Variants in PDE8B observed in about 807,000 individuals in gnomAD.
The protein encoded by PDE8B is high affinity cAMP-specific and IBMX-insensitive 3',5'-cyclic phosphodiesterase 8B.
A neutral mutation model predicts 101.3 loss-of-function variants in PDE8B; 26 were observed. The ratio of observed to expected loss-of-function variants is 0.26; its 90% CI spans 0.19 to 0.36. The LOEUF (loss-of-function observed/expected upper bound fraction) is 0.36. PDE8B is among the 10% of genes least tolerant of loss of function. The pLI, the probability that PDE8B is intolerant of heterozygous loss-of-function variation, is 1.00. For synonymous variants in PDE8B, 424 were observed against 429.3 expected (o/e 0.99, Z 0.15); for missense variants, 810 against 1,163.1 (o/e 0.70, Z 4.42).
chr5:77,097,530 T>G, the PDE8B span, among the ~76,000 whole-genome samples: 1 of 150,626 alleles, frequency 6.6e-6, no homozygotes, highest in Non-Finnish European at 1.5e-5. Flanking sequence ...CTAGCTGTTG[T>G]GGACACAGAC....
At chr5:77,092,303 G>C in the PDE8B span, among the ~76,000 whole-genome samples, 4 of 151,760 alleles carry the variant, frequency 2.6e-5, no homozygotes, top group Non-Finnish European at 5.9e-5. Flanking sequence ...TCTCTTTCTT[G>C]TGTTAAATTT....
chr5:77,187,183 T>C, the PDE8B span, among the ~76,000 whole-genome samples: 1 of 152,226 alleles, frequency 6.6e-6, no homozygotes, highest in African/African-American at 2.4e-5. Context: ...TACACTATGA[T>C]TTGGCCTTGA....
intron 1 of PDE8B, among the ~76,000 whole-genome samples, chr5:77,218,969 G>T (rs193253401): frequency 6.6e-5 from 10 of 152,330 alleles, no homozygotes; most frequent in Non-Finnish European, 1.2e-4. Flanking sequence ...TTATCCCAAA[G>T]CCTTGCAAAC....
the PDE8B span, among the ~76,000 whole-genome samples, chr5:77,177,723 GGT>G: frequency 1.3e-5 from 2 of 152,194 alleles, no homozygotes; most frequent in African/African-American, 4.8e-5. Context: ...TGACAGCCAA[GGT>G]GTCTACTCAG....
chr5:77,368,024 A>T (rs1784456396), intron 10 of PDE8B, among the ~76,000 whole-genome samples: 1 of 152,222 alleles, frequency 6.6e-6, no homozygotes, highest in Non-Finnish European at 1.5e-5. Context: ...ATATGTCCCC[A>T]TGTGAGAATA....
In PDE8B at chr5:77,210,782, C is replaced by T; in HGVS notation, c.-144C>T. 3.1e-6 allele frequency: 3 copies of T among 982,906 alleles called. No individual in the cohort carries two copies. Among genetic ancestry groups the T allele is most frequent in the Non-Finnish European group, 3.6e-6 (3 of 829,720 alleles). The allele number at this position is 982,906 out of a possible 1,614,324, so 60.9% of individuals were successfully genotyped here. On this transcript the variant is annotated 5_prime_UTR_variant, in exon 1 of 22. Transcript: ENST00000264917. This position sits in a 1 kb window ranked among gnomAD's most constrained non-coding sequence, Gnocchi z 4.9. ...GCTCGGCGGGGGGCACCGCGGCCAG[C>T]CCGACGGAGCGGCGGACACACAGGC...
Position 77,425,845 on chromosome 5 carries a change from C to T in PDE8B, c.2497C>T (p.Gln833Ter). The part of the protein sequence containing the change: ...DRNTCSIPKS[Q>*]ISFIDYFITD... Reference sequence around the variant, plus strand: ...GAATACCTGTAGCATCCCCAAGTCTCAGATCTCTTTCATTGACTACTTCAT... The same window carrying T: ...GAATACCTGTAGCATCCCCAAGTCTTAGATCTCTTTCATTGACTACTTCAT... The change falls in exon 21 of 22, where the codon CAG (glutamine) becomes TAG (stop). Residue 833 changes from glutamine (Q) to a stop codon, truncating the protein, a stop_gained. Transcript: ENST00000264917. LOFTEE classifies it high-confidence loss of function. The T allele has an allele frequency of 6.2e-7, 1 of 1,613,368 alleles. No homozygotes were observed. Among genetic ancestry groups the T allele is most frequent in the Non-Finnish European group, 8.5e-7 (1 of 1,179,308 alleles).
rs781328011 is a variant in PDE8B at position 77,427,738 on chromosome 5, G to A, written c.*1184G>A. On this transcript the variant is annotated 3_prime_UTR_variant, in exon 22 of 22. Coordinates refer to ENST00000264917, the MANE Select transcript of PDE8B (RefSeq NM_003719.5). ...TACTGCTCTTTTCACAACTCCCTGT[G>A]ATCTACATAAAGTCAGACTCGAGAT... The A allele has an allele frequency of 6.6e-6, 1 of 152,136 alleles. No individual in the cohort carries two copies. Among genetic ancestry groups the A allele is most frequent in the Non-Finnish European group, 1.5e-5 (1 of 68,030 alleles). 9.4% of individuals were successfully genotyped at this position (152,136 alleles called of 1,614,324 possible).
chr5:77,142,012 A>G, the PDE8B span: 5 of 152,220 alleles, frequency 3.3e-5, no homozygotes, highest in Non-Finnish European at 5.9e-5. Flanking sequence ...AAAGAGATTC[A>G]TGGAATAAAA....
chr5:77,417,907 AC>A (rs1795892782), intron 17 of PDE8B, among the ~76,000 whole-genome samples: 2 of 152,198 alleles, frequency 1.3e-5, no homozygotes, highest in Non-Finnish European at 2.9e-5. Flanking sequence ...ATCACAGGCC[AC>A]TTTCTGCTGT....
intron 1 of PDE8B, among the ~76,000 whole-genome samples, chr5:77,222,352 G>A (rs1751305262): frequency 6.6e-6 from 1 of 152,164 alleles, no homozygotes; most frequent in African/African-American, 2.4e-5. Context: ...GGCCGGGCAT[G>A]GTGGCTCATG....
chr5:77,215,116 A>C lies in PDE8B; in HGVS notation c.339+3852A>C, dbSNP rs552302243. Among the ~76,000 whole-genome samples the C allele has an allele frequency of 3.3e-5, 5 of 152,252 alleles. No homozygotes were observed. In the East Asian group the frequency reaches 9.6e-4, roughly 29 times the overall value. ...GCTGAGCCTCCGAGATTGGCTAAAA[A>C]GTCTGTAAGTGAGGAGTGTTGGATC... On this transcript the variant is annotated intron_variant, in intron 1 of 21. Coordinates refer to ENST00000264917, the MANE Select transcript of PDE8B (RefSeq NM_003719.5).
chr5:77,179,820 C>T, the PDE8B span, among the ~76,000 whole-genome samples: 4 of 152,156 alleles, frequency 2.6e-5, no homozygotes, highest in Non-Finnish European at 5.9e-5. Context: ...CTTGGCCTCT[C>T]AAAGTGTCAG....
intron 2 of PDE8B, among the ~76,000 whole-genome samples, chr5:77,313,725 T>TA (rs1288557276): frequency 6.6e-6 from 1 of 152,222 alleles, no homozygotes; most frequent in African/African-American, 2.4e-5. Context: ...TGATATGTCT[T>TA]ATTTGTTTCA....
chr5:77,291,748 G>T, intron 1 of PDE8B: 1 of 1,587,108 alleles, frequency 6.3e-7, no homozygotes, highest in Non-Finnish European at 8.6e-7. Flanking sequence ...AGGTCTACTT[G>T]TACTATCAAC....
chr5:77,168,923 C>T, the PDE8B span, among the ~76,000 whole-genome samples: 2 of 152,234 alleles, frequency 1.3e-5, no homozygotes, highest in South Asian at 2.1e-4. Flanking sequence ...TCTTGACTTC[C>T]TTGTACTCAG....
At chr5:77,305,335 A>G (rs938966325) in intron 1 of PDE8B, among the ~76,000 whole-genome samples, 1 of 152,230 alleles carries the variant, frequency 6.6e-6, no homozygotes, top group Non-Finnish European at 1.5e-5. Context: ...TGGGCTGCCC[A>G]GTGAGCTCTT....
chr5:77,409,732 GT>G (rs1554100730), intron 14 of PDE8B, among the ~76,000 whole-genome samples: 1 of 152,158 alleles, frequency 6.6e-6, no homozygotes, highest in Non-Finnish European at 1.5e-5. Context: ...AATTCAAATT[GT>G]TTATTTGAGT....
chr5:77,283,430 A>T (rs1765403872), intron 1 of PDE8B, among the ~76,000 whole-genome samples: 1 of 152,186 alleles, frequency 6.6e-6, no homozygotes, highest in Non-Finnish European at 1.5e-5. Context: ...ACACCACTGT[A>T]GTATCATCCA....
Sources: allele counts gnomAD v4.1 joint callset (sites outside exome capture counted in the v4.1 genomes callset), GRCh38; gene constraint gnomAD v4.1.1; non-coding constraint Gnocchi (gnomAD v3.1); transcripts MANE v1.5; gene names NCBI Gene and HGNC (gene_info 2026-07-23, HGNC 2026-07-21).